Variants in PAG1 observed in about 807,000 individuals in gnomAD.
PAG1 encodes phosphoprotein associated with glycosphingolipid-enriched microdomains 1.
Under a neutral mutation model 31.7 loss-of-function variants are expected in PAG1, and 23 were observed. The ratio of observed to expected loss-of-function variants is 0.73; its 90% CI spans 0.52 to 1.03. The LOEUF is 1.03. PAG1 is among the 50% of genes least tolerant of loss of function. The pLI, the probability that PAG1 is intolerant of heterozygous loss-of-function variation, is 0.00. For missense variants in PAG1, 473 were observed against 540.7 expected, an observed-to-expected ratio of 0.87 and a Z score of 1.24; for synonymous variants, 214 against 210.3, an observed-to-expected ratio of 1.02 and a Z score of -0.15.
intron 3 of PAG1, among the ~76,000 whole-genome samples, chr8:81,004,196 C>T (rs145163870): frequency 4.9e-4 from 74 of 152,216 alleles, no homozygotes; most frequent in African/African-American, 1.7e-3. Context: ...TGAAAGCTTC[C>T]GAGGCTGATT....
At chr8:81,022,345 C>A (rs1421975909) in intron 3 of PAG1, among the ~76,000 whole-genome samples, 1 of 152,124 alleles carries the variant, frequency 6.6e-6, no homozygotes, top group Non-Finnish European at 1.5e-5. Flanking sequence ...CTGAAAGGCT[C>A]CTTTAGACAT....
At chr8:81,062,688 C>CTT (rs34459652) in intron 2 of PAG1, among the ~76,000 whole-genome samples, 5 of 151,354 alleles carry the variant, frequency 3.3e-5, no homozygotes, top group South Asian at 2.1e-4. Context: ...CAACAGAAAT[C>CTT]TTTTTTTTTG....
At chr8:81,030,331 T>C (rs1808358744) in intron 2 of PAG1, among the ~76,000 whole-genome samples, 1 of 152,230 alleles carries the variant, frequency 6.6e-6, no homozygotes. Flanking sequence ...CAAAAATTTT[T>C]AATAAAAAAG....
At chr8:81,015,762 T>C (rs974264498) in intron 3 of PAG1, among the ~76,000 whole-genome samples, 8 of 152,286 alleles carry the variant, frequency 5.3e-5, no homozygotes, top group African/African-American at 1.9e-4. Context: ...GTATAGAAGA[T>C]TCCCTAGATG....
intron 2 of PAG1, among the ~76,000 whole-genome samples, chr8:81,051,802 T>C (rs1808732933): frequency 6.6e-6 from 1 of 152,170 alleles, no homozygotes; most frequent in Admixed American, 6.5e-5. Context: ...TGCATTTCTA[T>C]GTTTCAAAAC....
chr8:81,044,955 GC>G (rs1233349990), intron 2 of PAG1, among the ~76,000 whole-genome samples: 1 of 152,014 alleles, frequency 6.6e-6, no homozygotes, highest in East Asian at 1.9e-4. Context: ...CCTTGTAAGT[GC>G]CCCCTATGCT....
intron 1 of PAG1, among the ~76,000 whole-genome samples, chr8:81,079,289 C>A (rs1048639627): frequency 2.0e-5 from 3 of 152,072 alleles, no homozygotes; most frequent in African/African-American, 7.2e-5. Context: ...ACACCACTCA[C>A]GCAAACAAGG....
At chr8:80,979,570 A>G (rs1397169986) in intron 8 of PAG1, among the ~76,000 whole-genome samples, 1 of 152,198 alleles carries the variant, frequency 6.6e-6, no homozygotes, top group Non-Finnish European at 1.5e-5. Flanking sequence ...AATATCACCT[A>G]GGGAAAGCAT....
intron 2 of PAG1, among the ~76,000 whole-genome samples, chr8:81,061,840 G>A (rs11986552): frequency 2.6e-5 from 4 of 152,018 alleles, no homozygotes; most frequent in Non-Finnish European, 4.4e-5. Flanking sequence ...AAGGTAGCCC[G>A]TAAGCGGAGA....
chr8:81,008,346 G>A (rs1363637973), intron 3 of PAG1, among the ~76,000 whole-genome samples: 1 of 151,886 alleles, frequency 6.6e-6, no homozygotes, highest in African/African-American at 2.4e-5. Context: ...AGTAGTCACT[G>A]GTAACACTCT....
rs938551661 is a variant in PAG1, at chr8:81,012,990, C to A, written c.-81+17006G>T. ...CCTACCCATGTCCGTCAACTCACAT[C>A]CACAAGACAGAGGTTTGTGTATAAG... On this transcript the variant is annotated intron_variant, in intron 3 of 8. Coordinates refer to ENST00000220597, the MANE Select transcript of PAG1 (RefSeq NM_018440.4). Among the ~76,000 whole-genome samples the A allele has an allele frequency of 3.9e-5, 6 of 152,338 alleles. No individual in the cohort carries two copies. In the South Asian group the frequency reaches 1.2e-3, roughly 32 times the overall value.
At chr8:80,989,929 C>T (rs1454960169) in intron 5 of PAG1, among the ~76,000 whole-genome samples, 1 of 151,998 alleles carries the variant, frequency 6.6e-6, no homozygotes, top group African/African-American at 2.4e-5. Flanking sequence ...AGCCCTTCCC[C>T]AGCCCCACCT....
chr8:81,002,206 A>G (rs1586157674), intron 3 of PAG1, among the ~76,000 whole-genome samples: 1 of 149,886 alleles, frequency 6.7e-6, no homozygotes, highest in African/African-American at 2.4e-5. Context: ...GCAGTAATTC[A>G]GCCACCTTTT....
chr8:81,057,091 A>G (rs554813581), intron 2 of PAG1, among the ~76,000 whole-genome samples: 2,018 of 152,196 alleles, frequency 0.013, 25 homozygotes, highest in South Asian at 0.039. Flanking sequence ...AGAGGATGTG[A>G]AGAAATAGGA....
chr8:81,077,243 C>A (rs986334237), intron 1 of PAG1, among the ~76,000 whole-genome samples: 1 of 152,198 alleles, frequency 6.6e-6, no homozygotes, highest in Non-Finnish European at 1.5e-5. Flanking sequence ...AACTAGAGAA[C>A]CATTAAGTTC....
intron 3 of PAG1, among the ~76,000 whole-genome samples, chr8:81,012,907 T>A (rs1288461379): frequency 9.9e-5 from 15 of 152,206 alleles, no homozygotes; most frequent in South Asian, 2.1e-4. Flanking sequence ...TACCAGAATT[T>A]AAAAAATTTT....
chr8:80,985,158 A>G lies in PAG1; in HGVS notation c.494T>C (p.Val165Ala), dbSNP rs775178984. Residue 165 changes from valine (V) to alanine (A), a missense_variant, in exon 7 of 9, where the codon GTG becomes GCG. Physicochemically the swap from Val to Ala is moderately conservative, Grantham distance 64. Transcript: ENST00000220597. ...TTCTTGGGAGGAGCTGTCCTTGAGC[A>G]CTTCATAGGGCCCTTCCATCCCCAG... ...QGLGMEGPYEVLKDSSSQENM... is the reference protein window; with the variant it reads ...QGLGMEGPYEALKDSSSQENM... The G allele has an allele frequency of 2.5e-6, 4 of 1,613,914 alleles. No individual in the cohort carries two copies. The highest frequency in any genetic ancestry group is 3.4e-6 in the Non-Finnish European group (4 of 1,179,972).
intron 1 of PAG1, among the ~76,000 whole-genome samples, chr8:81,105,362 G>C (rs922391288): frequency 6.6e-6 from 1 of 152,094 alleles, no homozygotes; most frequent in Non-Finnish European, 1.5e-5. Context: ...TACCACCCTT[G>C]TGATATTTAG....
intron 2 of PAG1, among the ~76,000 whole-genome samples, chr8:81,064,129 G>A (rs1808964631): frequency 6.6e-6 from 1 of 152,180 alleles, no homozygotes; most frequent in Non-Finnish European, 1.5e-5. Context: ...GGAGCCAAGA[G>A]GACCTCTAAA....
Sources: gnomAD v4.1 joint callset for allele counts (sites outside exome capture counted in the v4.1 genomes callset) on GRCh38, gnomAD v4.1.1 for gene constraint, MANE v1.5 for transcripts, NCBI Gene and HGNC (gene_info 2026-07-23, HGNC 2026-07-21) for gene names.